The following DNAI3 variants were observed in gnomAD, a reference collection of about 807,000 sequenced individuals.
The protein encoded by DNAI3 is dynein axonemal intermediate chain 3.
In DNAI3, 83 loss-of-function variants were observed where a neutral mutation model predicts 115.5. That is an observed-to-expected ratio of 0.72 (90% CI 0.60 to 0.86). The LOEUF is 0.86. DNAI3 is among the 40% of genes least tolerant of loss of function. The pLI is 0.00. For synonymous variants in DNAI3, 320 were observed against 347.0 expected, an observed-to-expected ratio of 0.92 and a Z score of 0.86; for missense variants, 1,004 against 1,075.8, an observed-to-expected ratio of 0.93 and a Z score of 0.93.
At chr1:85,086,373 CA>C (rs1483748611) in intron 7 of DNAI3, among the ~76,000 whole-genome samples, 2 of 152,164 alleles carry the variant, frequency 1.3e-5, no homozygotes, top group South Asian at 4.1e-4. Flanking sequence ...TCTTAAACAT[CA>C]AATCAGATGG....
At chr1:85,081,176 A>C in intron 3 of DNAI3, 58 bp from the exon 4 acceptor site, 1 of 1,381,658 alleles carries the variant, frequency 7.2e-7, no homozygotes. Flanking sequence ...CATGTTTTCT[A>C]ATGCTAATAT....
rs114620051 is a variant in DNAI3, at chr1:85,106,688, A to G, written c.1554-1345A>G. ...CTAGAACTAGCATAACAATAGATAC[A>G]TAGATCAATGAAATAGACCTGAGAG... On this transcript the variant is annotated intron_variant, in intron 14 of 22. Transcript: ENST00000294664. Among the ~76,000 whole-genome samples, 529 of 152,354 alleles carry G rather than the reference A, an allele frequency of 3.5e-3. 1 individual carries two copies. Among genetic ancestry groups the G allele is most frequent in the African/African-American group, 0.012 (483 of 41,570 alleles).
chr1:85,104,622 T>C (rs1655431401), intron 14 of DNAI3, 25 bp downstream of exon 14: 2 of 1,604,708 alleles, frequency 1.2e-6, no homozygotes, highest in Admixed American at 1.7e-5. Flanking sequence ...AAACATTTCC[T>C]AATGTGTTTT....
At chr1:85,071,642 T>C (rs1654277966) in intron 1 of DNAI3, among the ~76,000 whole-genome samples, 2 of 152,212 alleles carry the variant, frequency 1.3e-5, no homozygotes, top group South Asian at 4.2e-4. Flanking sequence ...TCCTCTGTCG[T>C]GCTTCCATGG....
intron 5 of DNAI3, 30 bp downstream of exon 5, chr1:85,082,434 T>C (rs754517705): frequency 1.5e-5 from 24 of 1,569,558 alleles, no homozygotes; most frequent in Non-Finnish European, 2.1e-5. Flanking sequence ...TTGTAATTTG[T>C]TTGTTTTTGT....
intron 7 of DNAI3, among the ~76,000 whole-genome samples, chr1:85,088,756 A>C (rs916341674): frequency 6.6e-6 from 1 of 152,212 alleles, no homozygotes; most frequent in African/African-American, 2.4e-5. Flanking sequence ...AAAAACAACA[A>C]AACAAATCAT....
chr1:85,101,510 G>A (rs1227164793), intron 13 of DNAI3, among the ~76,000 whole-genome samples: 1 of 151,966 alleles, frequency 6.6e-6, no homozygotes, highest in Admixed American at 6.6e-5. Context: ...AGATCACGAG[G>A]TCAGGAGATG....
At chr1:85,094,401 A>C (rs2100581922) in intron 9 of DNAI3, 30 bp from the exon 10 acceptor site, 3 of 1,613,258 alleles carry the variant, frequency 1.9e-6, no homozygotes, top group South Asian at 2.2e-5. Flanking sequence ...AGTTGCTGCC[A>C]ACTTTAATTT....
chr1:85,121,663 G>T, intron 17 of DNAI3, 88 bp from the exon 18 acceptor site: 1 of 1,216,934 alleles, frequency 8.2e-7, no homozygotes, highest in Non-Finnish European at 1.2e-6. Context: ...CATTTGTTTT[G>T]CTTAACAGTC....
At chr1:85,075,586 G>A (rs996362451) in intron 3 of DNAI3, among the ~76,000 whole-genome samples, 1 of 152,038 alleles carries the variant, frequency 6.6e-6, no homozygotes, top group African/African-American at 2.4e-5. Flanking sequence ...GTTAATCAGG[G>A]CTGATGGCTG....
At chr1:85,083,568 AT>A (rs1259667939) in intron 5 of DNAI3, among the ~76,000 whole-genome samples, 1 of 152,258 alleles carries the variant, frequency 6.6e-6, no homozygotes, top group East Asian at 1.9e-4. Flanking sequence ...TTTCAATTTT[AT>A]TTTTATGATT....
At chr1:85,101,389 C>T (rs2100589637) in intron 13 of DNAI3, among the ~76,000 whole-genome samples, 1 of 152,196 alleles carries the variant, frequency 6.6e-6, no homozygotes, top group East Asian at 1.9e-4. Context: ...TTTCAACACA[C>T]ACCATGCATG....
At chr1:85,092,143 C>G (rs1654998533) in intron 8 of DNAI3, among the ~76,000 whole-genome samples, 1 of 152,126 alleles carries the variant, frequency 6.6e-6, no homozygotes, top group South Asian at 2.1e-4. Context: ...TCGGGTGGAG[C>G]CTGCGACTCT....
At chr1:85,122,420 G>T (rs1656018660) in intron 18 of DNAI3, among the ~76,000 whole-genome samples, 1 of 152,184 alleles carries the variant, frequency 6.6e-6, no homozygotes, top group African/African-American at 2.4e-5. Flanking sequence ...AGGAATACAG[G>T]CACCCCAATA....
In DNAI3 at chr1:85,085,903, A is replaced by G. The variant is rs745636441; in HGVS notation, c.613A>G (p.Ser205Gly). The G allele has an allele frequency of 9.3e-6, 15 of 1,614,102 alleles. No individual in the cohort carries two copies. In the East Asian group the frequency reaches 3.3e-4, roughly 36 times the overall value. Residue 205 changes from serine (S) to glycine (G), a missense_variant, in exon 7 of 23, where the codon AGT becomes GGT. Transcript: ENST00000294664. ...PIKFSDQNAS[S>G]VKDAYIECTA... ...TAAGTTCAGTGACCAGAATGCTTCC[A>G]GTGTAAAAGATGCCTATATTGAATG...
At chr1:85,096,927 T>G (rs1397544078) in intron 11 of DNAI3, among the ~76,000 whole-genome samples, 3 of 152,174 alleles carry the variant, frequency 2.0e-5, no homozygotes, top group Non-Finnish European at 4.4e-5. Flanking sequence ...AAAGGTAATG[T>G]GACTTTATTT....
intron 1 of DNAI3, among the ~76,000 whole-genome samples, chr1:85,062,827 T>C (rs758530114): frequency 2.0e-5 from 3 of 152,110 alleles, no homozygotes; most frequent in Non-Finnish European, 4.4e-5. Flanking sequence ...AATGAATGAA[T>C]GAATGAATGA....
intron 1 of DNAI3, among the ~76,000 whole-genome samples, chr1:85,067,028 T>C (rs189950908): frequency 1.2e-3 from 186 of 152,340 alleles, no homozygotes; most frequent in Admixed American, 2.6e-3. Flanking sequence ...TTTCATTATT[T>C]ACAATTACTA....
At chr1:85,068,142 AG>A (rs1413512287) in intron 1 of DNAI3, among the ~76,000 whole-genome samples, 1 of 146,494 alleles carries the variant, frequency 6.8e-6, no homozygotes, top group Non-Finnish European at 1.5e-5. Context: ...TTTTTTTTTT[AG>A]TATGTTCACT....
Sources: allele counts gnomAD v4.1 joint callset (sites outside exome capture counted in the v4.1 genomes callset), GRCh38; gene constraint gnomAD v4.1.1; transcripts MANE v1.5; gene names NCBI Gene and HGNC (gene_info 2026-07-23, HGNC 2026-07-21).